Variants in BMP2K observed in about 807,000 individuals in gnomAD.
The protein encoded by BMP2K is BMP2 inducible kinase, also known as BMP-2-inducible protein kinase.
BMP2K carries 74 observed loss-of-function variants against 116.0 expected under a neutral mutation model. That is an observed-to-expected ratio of 0.64 (90% CI 0.53 to 0.77). The LOEUF (loss-of-function observed/expected upper bound fraction) is 0.77, where lower values mean the gene tolerates loss of function less well. Ranked by LOEUF, BMP2K falls within the 30% of genes least tolerant of loss-of-function variation. The pLI is 0.00. For synonymous variants in BMP2K, 486 were observed against 502.5 expected (o/e 0.97, Z 0.44); for missense variants, 1,365 against 1,403.6 (o/e 0.97, Z 0.44).
intron 1 of BMP2K, among the ~76,000 whole-genome samples, chr4:78,780,084 T>G (rs952881720): frequency 6.6e-6 from 1 of 152,234 alleles, no homozygotes; most frequent in Non-Finnish European, 1.5e-5. Context: ...AACCTGGGGT[T>G]GGCTTGTTGA....
chr4:78,846,354 C>T (rs1472996314), intron 5 of BMP2K, among the ~76,000 whole-genome samples: 1 of 151,566 alleles, frequency 6.6e-6, no homozygotes, highest in Admixed American at 6.6e-5. Flanking sequence ...CATTCCTCCA[C>T]AGTAGTAGTA....
rs1441377303 is a variant in BMP2K at position 78,912,901 on chromosome 4, A to G, written c.*868A>G. The G allele has an allele frequency of 6.6e-6, 1 of 152,218 alleles. No individual in the cohort carries two copies. The highest frequency in any genetic ancestry group is 1.5e-5 in the Non-Finnish European group (1 of 68,030). The allele number at this position is 152,218 out of a possible 1,614,324, so 9.4% of individuals were successfully genotyped here. ...ACATTCACTACTTTAGAAACACTTT[A>G]TGCATGGCTTCTTGCCCCAAACTTT... On this transcript the variant is annotated 3_prime_UTR_variant, in exon 16 of 16. Transcript: ENST00000502613.
chr4:78,827,809 C>T (rs1214017950), intron 2 of BMP2K, among the ~76,000 whole-genome samples: 1 of 152,138 alleles, frequency 6.6e-6, no homozygotes, highest in African/African-American at 2.4e-5. Context: ...GCAATTCAGC[C>T]CACCTTGCTG....
chr4:78,779,679 C>G (rs1003702641), intron 1 of BMP2K, among the ~76,000 whole-genome samples: 78 of 152,218 alleles, frequency 5.1e-4, no homozygotes, highest in African/African-American at 1.6e-3. Context: ...GAGGAGCAAC[C>G]TTTGTTATAG....
chr4:78,886,699 AAGT>A (rs1240566422), intron 14 of BMP2K, among the ~76,000 whole-genome samples: 1 of 152,136 alleles, frequency 6.6e-6, no homozygotes, highest in African/African-American at 2.4e-5. Context: ...TGATAGTACA[AAGT>A]AGTACAAAAA....
chr4:78,881,858 A>G (rs1732895112), intron 14 of BMP2K, among the ~76,000 whole-genome samples: 1 of 152,060 alleles, frequency 6.6e-6, no homozygotes, highest in South Asian at 2.1e-4. Flanking sequence ...TCATTTTACA[A>G]AATGAATAAA....
At chr4:78,877,119 T>C (rs1020829711) in intron 13 of BMP2K, among the ~76,000 whole-genome samples, 1 of 152,120 alleles carries the variant, frequency 6.6e-6, no homozygotes, top group East Asian at 1.9e-4. Flanking sequence ...TCTGGGTGGG[T>C]CAATGAGTGA....
intron 2 of BMP2K, among the ~76,000 whole-genome samples, chr4:78,833,337 A>G (rs1730299570): frequency 6.6e-6 from 1 of 152,102 alleles, no homozygotes; most frequent in South Asian, 2.1e-4. Flanking sequence ...TTTTGCGTGA[A>G]CCATTTTCAC....
At chr4:78,803,460 A>T (rs961803264) in intron 1 of BMP2K, among the ~76,000 whole-genome samples, 6 of 152,044 alleles carry the variant, frequency 3.9e-5, no homozygotes, top group Non-Finnish European at 5.9e-5. Context: ...CAGTGGTGCA[A>T]CCTCAGCTTA....
intron 2 of BMP2K, among the ~76,000 whole-genome samples, chr4:78,831,590 AAAC>A (rs1352792405): frequency 3.3e-5 from 5 of 152,354 alleles, no homozygotes; most frequent in African/African-American, 9.6e-5. Context: ...TTTTATTCAC[AAAC>A]AACAATTAGT....
chr4:78,838,705 T>C (rs902142827), intron 3 of BMP2K, among the ~76,000 whole-genome samples: 1 of 152,210 alleles, frequency 6.6e-6, no homozygotes, highest in African/African-American at 2.4e-5. Context: ...GACATTGGCT[T>C]TTATTATGTA....
chr4:78,873,698 G>A (rs951854989), intron 13 of BMP2K, among the ~76,000 whole-genome samples: 4 of 145,428 alleles, frequency 2.8e-5, no homozygotes, highest in African/African-American at 5.3e-5. Flanking sequence ...GTGTGTGTGT[G>A]TGTGTGTATG....
chr4:78,903,344 G>T (rs1033301624), intron 15 of BMP2K, among the ~76,000 whole-genome samples: 1 of 151,876 alleles, frequency 6.6e-6, no homozygotes, highest in Non-Finnish European at 1.5e-5. Context: ...ATGCATAAAT[G>T]TACATAATTA....
chr4:78,904,404 T>C (rs1396103327), intron 15 of BMP2K, among the ~76,000 whole-genome samples: 1 of 151,950 alleles, frequency 6.6e-6, no homozygotes, highest in Non-Finnish European at 1.5e-5. Context: ...CAAGTACCAT[T>C]TGTGTCCTCT....
intron 2 of BMP2K, 74 bp downstream of exon 2, chr4:78,826,229 G>C: frequency 8.5e-7 from 1 of 1,171,210 alleles, no homozygotes; most frequent in Non-Finnish European, 1.3e-6. Context: ...ATGGAGTGCA[G>C]TGGAGTGGCA....
At chr4:78,864,288 G>A (rs1214112607) in intron 9 of BMP2K, among the ~76,000 whole-genome samples, 1 of 151,952 alleles carries the variant, frequency 6.6e-6, no homozygotes, top group African/African-American at 2.4e-5. Context: ...CAAATTACTT[G>A]AGCTTAGGGA....
intron 15 of BMP2K, among the ~76,000 whole-genome samples, chr4:78,901,104 G>C (rs1187020831): frequency 1.3e-5 from 2 of 152,092 alleles, no homozygotes; most frequent in Non-Finnish European, 2.9e-5. Flanking sequence ...GTGCAGTGGC[G>C]TGATCATAGG....
intron 10 of BMP2K, among the ~76,000 whole-genome samples, chr4:78,870,389 T>C (rs1732269861): frequency 6.6e-6 from 1 of 152,192 alleles, no homozygotes; most frequent in Middle Eastern, 3.2e-3. Flanking sequence ...AGGTTTGAGC[T>C]AAACTTTAAA....
intron 3 of BMP2K, among the ~76,000 whole-genome samples, chr4:78,841,342 G>T (rs1035003671): frequency 6.6e-6 from 1 of 152,006 alleles, no homozygotes. Flanking sequence ...ATTTCTGTGC[G>T]AATCACATAT....
Sources: gnomAD v4.1 joint callset for allele counts (sites outside exome capture counted in the v4.1 genomes callset) on GRCh38, gnomAD v4.1.1 for gene constraint, MANE v1.5 for transcripts, NCBI Gene and HGNC (gene_info 2026-07-23, HGNC 2026-07-21) for gene names.